The following RNF139 variants were observed in gnomAD, a reference collection of about 807,000 sequenced individuals.
RNF139 encodes ring finger protein 139, also known as E3 ubiquitin-protein ligase RNF139.
In RNF139, 15 loss-of-function variants were observed where a neutral mutation model predicts 49.5. The observed-to-expected ratio is 0.30, with a 90% CI of 0.20 to 0.47. RNF139 has a LOEUF of 0.47. Among genes scored for constraint, RNF139 ranks in the 20% least tolerant of loss-of-function variants. The pLI, the probability that RNF139 is intolerant of heterozygous loss-of-function variation, is 1.00. For synonymous variants in RNF139, 325 were observed against 300.9 expected (o/e 1.08, Z -0.83); for missense variants, 619 against 806.3 (o/e 0.77, Z 2.81).
chr8:124,486,185 T>G lies in RNF139; in HGVS notation c.536T>G (p.Leu179Arg). 4 of 1,614,246 alleles carry G rather than the reference T, an allele frequency of 2.5e-6. No individual in the cohort carries two copies. Among genetic ancestry groups the G allele is most frequent in the Non-Finnish European group, 3.4e-6 (4 of 1,180,034 alleles). The change falls in exon 2 of 2, where the codon CTG (leucine) becomes CGG (arginine). Residue 179 changes from leucine to arginine, a missense_variant. Leu to Arg is a moderately radical substitution (Grantham distance 102, BLOSUM62 -2). Around this residue, in one of 2 missense-constraint regions of RNF139, gnomAD observed 530 missense variants for 728.9 expected, o/e 0.73. Transcript: ENST00000303545. ...CCATTACACATCAGAGAGACTTTAC[T>G]GTTTACTTCTTCCTTGATTCTCACA... is the stretch of plus-strand genomic sequence containing the variant. ...ELPLHIRETLLFTSSLILTLN... is the reference protein window; with the variant it reads ...ELPLHIRETLRFTSSLILTLN...
At position 124,484,413 on chromosome 8, in the gene RNF139, CTGAT is replaced by C. The variant is rs145698007; in HGVS notation, c.182-1411_182-1408del. Among the ~76,000 whole-genome samples the C allele has an allele frequency of 4.8e-3, 728 of 152,204 alleles. 4 individuals are homozygous for C. The highest frequency in any genetic ancestry group is 0.015 in the African/African-American group (617 of 41,516). On this transcript the variant is annotated intron_variant, in intron 1 of 1. Transcript: ENST00000303545. ...CAAGATGAGGGTTTTTTGAGACAGA[CTGAT>C]TGATTGGTGTCACAGAAAAGGGAGA...
chr8:124,482,972 A>AAAAATATATATATATT, intron 1 of RNF139, among the ~76,000 whole-genome samples: 1 of 97,676 alleles, frequency 1.0e-5, no homozygotes, highest in African/African-American at 4.2e-5. Context: ...TATATATATT[A>AAAAATATATATATATT]TTTAAATATA....
rs560183654 is a variant in RNF139 at position 124,488,599 on chromosome 8, T to A, written c.*955T>A. The stretch of plus-strand genomic sequence containing the variant: ...AAGTGGAAGACATATACCAATTATA[T>A]TCCAGGAAAAAATACTTTAATAGTA... On this transcript the variant is annotated 3_prime_UTR_variant, in exon 2 of 2. Coordinates refer to ENST00000303545, the MANE Select transcript of RNF139 (RefSeq NM_007218.4). 36 of 1,494,626 alleles carry A rather than the reference T, an allele frequency of 2.4e-5. No individual in the cohort carries two copies. In the South Asian group the frequency reaches 3.6e-4, roughly 15 times the overall value. 92.6% of individuals were successfully genotyped at this position (1,494,626 alleles called of 1,614,324 possible).
intron 1 of RNF139, 128 bp from the exon 2 acceptor site, chr8:124,485,703 C>T (rs144732046): frequency 9.9e-6 from 8 of 805,600 alleles, no homozygotes; most frequent in African/African-American, 8.7e-5. Flanking sequence ...CCTTAGTTGT[C>T]TTGAGGCTTA....
At chr8:124,478,578 A>G (rs1290296303) in intron 1 of RNF139, among the ~76,000 whole-genome samples, 1 of 150,288 alleles carries the variant, frequency 6.7e-6, no homozygotes, top group Non-Finnish European at 1.5e-5. Flanking sequence ...ACTGCACTCC[A>G]GCCTGGGCGA....
At chr8:124,479,156 T>C (rs1816363469) in intron 1 of RNF139, among the ~76,000 whole-genome samples, 1 of 152,030 alleles carries the variant, frequency 6.6e-6, no homozygotes, top group African/African-American at 2.4e-5. Flanking sequence ...AGTGGCGTGA[T>C]CTCAGCACAC....
In RNF139 at chr8:124,475,031, C is replaced by T. The variant is rs1816283894; in HGVS notation, c.-79C>T. ...CAGGGGCGGAGTTGCCCGCCTTAGC[C>T]CCCGCCCCCGGCCGCGGCCCCGGGC... On this transcript the variant is annotated 5_prime_UTR_variant, in exon 1 of 2. Coordinates refer to ENST00000303545, the MANE Select transcript of RNF139 (RefSeq NM_007218.4). The T allele has an allele frequency of 9.7e-7, 1 of 1,031,062 alleles. No homozygotes were observed. Among genetic ancestry groups the T allele is most frequent in the African/African-American group, 1.7e-5 (1 of 59,576 alleles). The allele number at this position is 1,031,062 out of a possible 1,614,324, so 63.9% of individuals were successfully genotyped here. A position where few individuals can be genotyped will look rare whatever the true frequency, so the allele number is the denominator to read the frequency against.
rs750103363 is a variant in RNF139 at position 124,487,609 on chromosome 8, G to A, written c.1960G>A (p.Ala654Thr). 1.4e-5 allele frequency: 23 copies of A among 1,607,384 alleles called. 1 individual carries two copies. The highest frequency in any genetic ancestry group is 1.7e-5 in the Non-Finnish European group (20 of 1,176,190). The change falls in exon 2 of 2, where the codon GCA becomes ACA. Residue 654 changes from alanine (A) to threonine (T), a missense_variant. Around this residue, in one of 2 missense-constraint regions of RNF139, gnomAD observed 530 missense variants for 728.9 expected, o/e 0.73. Transcript: ENST00000303545. ...AAATGGAGTGATTCAGCACACAGGC[G>A]CAGCAGCTGAAGAATTTAATGATGA... is the stretch of plus-strand genomic sequence containing the variant. Reference protein sequence around the residue: ...ERNGVIQHTGAAAEEFNDDTD With the variant: ...ERNGVIQHTGTAAEEFNDDTD
At position 124,488,481 on chromosome 8, in the gene RNF139, C is replaced by A. The variant is rs544343615; in HGVS notation, c.*837C>A. 6.5e-5 allele frequency: 39 copies of A among 598,562 alleles called. No homozygotes were observed. The highest frequency in any genetic ancestry group is 4.5e-4 in the Middle Eastern group (1 of 2,246). 37.1% of individuals were successfully genotyped at this position (598,562 alleles called of 1,614,324 possible). A position where few individuals can be genotyped will look rare whatever the true frequency, so the allele number is the denominator to read the frequency against. On this transcript the variant is annotated 3_prime_UTR_variant, in exon 2 of 2. Coordinates refer to ENST00000303545, the MANE Select transcript of RNF139 (RefSeq NM_007218.4). The stretch of plus-strand genomic sequence containing the variant: ...GGGGAATGGTGGGGAATGGTGTGTA[C>A]CGATATATAGTATTTCTTTAGACAA...
At chr8:124,484,723 G>T (rs897681784) in intron 1 of RNF139, among the ~76,000 whole-genome samples, 3 of 152,136 alleles carry the variant, frequency 2.0e-5, no homozygotes, top group Non-Finnish European at 4.4e-5. Flanking sequence ...TTCTGTCAGA[G>T]TACAAAGAAA....
chr8:124,475,310 T>G lies in RNF139; in HGVS notation c.181+20T>G. ...TCTTTGGTAAGGGAACAGGGTACCG[T>G]ACGTCCCGGGACGGCTATGCGGGCC... is the stretch of plus-strand genomic sequence containing the variant. On this transcript the variant is annotated intron_variant, in intron 1 of 1. Transcript: ENST00000303545. The G allele has an allele frequency of 1.3e-6, 2 of 1,597,902 alleles. No individual in the cohort carries two copies. The highest frequency in any genetic ancestry group is 8.5e-7 in the Non-Finnish European group (1 of 1,171,534).
Position 124,487,888 on chromosome 8 carries a change from A to G in RNF139, c.*244A>G. 1 of 384,410 alleles carries G rather than the reference A, an allele frequency of 2.6e-6. No homozygotes were observed. The highest frequency in any genetic ancestry group is 7.7e-5 in the South Asian group (1 of 13,010). 23.8% of individuals were successfully genotyped at this position (384,410 alleles called of 1,614,324 possible). On this transcript the variant is annotated 3_prime_UTR_variant, in exon 2 of 2. Transcript: ENST00000303545. ...TGTACATAGAATAAAATGTTTTCAC[A>G]TTTTTATGACAAAATTTGAACAAAT...
At position 124,486,989 on chromosome 8, in the gene RNF139, A is replaced by G; in HGVS notation, c.1340A>G (p.Asp447Gly). The G allele has an allele frequency of 6.2e-7, 1 of 1,614,038 alleles. No homozygotes were observed. The highest frequency in any genetic ancestry group is 8.5e-7 in the Non-Finnish European group (1 of 1,179,978). ...ACTGTTTATACGTTATTCATGATTG[A>G]TGGCTACTATAATGTCCTCTGGGAA... is the stretch of plus-strand genomic sequence containing the variant. ...SLTVYTLFMI[D>G]GYYNVLWEKL... The change falls in exon 2 of 2, where the codon GAT (aspartate) becomes GGT (glycine). Residue 447 changes from aspartate (D) to glycine (G), a missense_variant. Physicochemically the swap from Asp to Gly is moderately conservative, Grantham distance 94. Around this residue, in one of 2 missense-constraint regions of RNF139, gnomAD observed 530 missense variants for 728.9 expected, o/e 0.73. Transcript: ENST00000303545.
chr8:124,486,306 C>T lies in RNF139; in HGVS notation c.657C>T (p.Tyr219=), dbSNP rs3812471. 790,934 of 1,613,330 alleles carry T rather than the reference C, an allele frequency of 0.49. 197,458 individuals are homozygous for T. The highest frequency in any genetic ancestry group is 0.73 in the African/African-American group (54,842 of 74,966). The change falls in exon 2 of 2, where the codon TAC becomes TAT. Residue 219 remains tyrosine (Y), a synonymous_variant. Transcript: ENST00000303545. ...YLLVRHMYRI[Y]GLQLLMEDTW... is the part of the protein sequence containing the mutation. ...TGGTGAGGCACATGTATCGAATTTA[C>T]GGATTACAGTTATTGATGGAGGACA... is the stretch of plus-strand genomic sequence containing the variant.
chr8:124,475,187 C>G lies in RNF139; in HGVS notation c.78C>G (p.Leu26=), dbSNP rs147204700. The G allele has an allele frequency of 1.9e-6, 3 of 1,613,964 alleles. No homozygotes were observed. In the South Asian group the frequency reaches 3.3e-5, roughly 18 times the overall value. ...QQVWAALEVA[L]RVPCLYIIDA... ...TCTGGGCGGCGCTCGAAGTGGCGCT[C>G]CGGGTGCCCTGCCTTTACATCATCG... is the stretch of plus-strand genomic sequence containing the variant. The change falls in exon 1 of 2, where the codon CTC becomes CTG. Residue 26 remains leucine, a synonymous_variant. Coordinates refer to ENST00000303545, the MANE Select transcript of RNF139 (RefSeq NM_007218.4).
intron 1 of RNF139, among the ~76,000 whole-genome samples, chr8:124,475,979 G>A (rs1248919914): frequency 6.6e-6 from 1 of 152,236 alleles, no homozygotes; most frequent in Non-Finnish European, 1.5e-5. Flanking sequence ...TATGGATGGA[G>A]TGTTAAAAGT....
At position 124,487,288 on chromosome 8, in the gene RNF139, T is replaced by C; in HGVS notation, c.1639T>C (p.Cys547Arg). The change falls in exon 2 of 2, where the codon TGT (cysteine) becomes CGT (arginine). Residue 547 changes from cysteine (C) to arginine (R), a missense_variant. This residue lies in a region of RNF139 where 530 missense variants were observed against 728.9 expected (regional missense o/e 0.73). Transcript: ENST00000303545. ...CCGCTTACAAGAAATAAATGATGTATGTGCAATCTGCTATCATGAGTTTAC... is the reference window on the plus strand; with the variant it reads ...CCGCTTACAAGAAATAAATGATGTACGTGCAATCTGCTATCATGAGTTTAC... ...GSRLQEINDV[C>R]AICYHEFTTS... 6.2e-7 allele frequency: 1 copy of C among 1,614,082 alleles called. No individual in the cohort carries two copies. Among genetic ancestry groups the C allele is most frequent in the South Asian group, 1.1e-5 (1 of 91,082 alleles).
In RNF139 at chr8:124,486,458, G is replaced by A; in HGVS notation, c.809G>A (p.Trp270Ter). The A allele has an allele frequency of 1.2e-6, 2 of 1,614,112 alleles. No homozygotes were observed. The highest frequency in any genetic ancestry group is 1.7e-6 in the Non-Finnish European group (2 of 1,180,016). Residue 270 changes from tryptophan to a stop codon, truncating the protein, a stop_gained, in exon 2 of 2, where the codon TGG becomes TAG. Transcript: ENST00000303545. LOFTEE classifies it high-confidence loss of function. Reference protein sequence around the residue: ...ANETDSFFISWDDFWDLICNL... With the variant: ...ANETDSFFIS ...GAAACTGATTCCTTCTTTATTTCTT[G>A]GGATGATTTTTGGGACCTCATTTGC... is the stretch of plus-strand genomic sequence containing the variant.
chr8:124,477,607 CTAATT>C (rs1194055602), intron 1 of RNF139, among the ~76,000 whole-genome samples: 1 of 152,172 alleles, frequency 6.6e-6, no homozygotes, highest in Non-Finnish European at 1.5e-5. Context: ...TGATATCAAA[CTAATT>C]TGAGATTTCA....
Sources: allele counts gnomAD v4.1 joint callset (sites outside exome capture counted in the v4.1 genomes callset), GRCh38; gene constraint gnomAD v4.1.1; regional missense constraint gnomAD v4.1.1; transcripts MANE v1.5; gene names NCBI Gene and HGNC (gene_info 2026-07-23, HGNC 2026-07-21).